DACH1: variants seen among roughly 807,000 people sequenced by gnomAD.
The protein encoded by DACH1 is dachshund homolog 1.
A neutral mutation model predicts 54.2 loss-of-function variants in DACH1; 12 were observed. The ratio of observed to expected loss-of-function variants is 0.22; its 90% CI spans 0.14 to 0.36. DACH1 has a LOEUF of 0.36. Ranked by LOEUF, DACH1 falls within the 10% of genes least tolerant of loss-of-function variation. The probability of loss-of-function intolerance (pLI) is 1.00; values close to 1 mark genes in which losing one functional copy is unlikely to be tolerated. For synonymous variants in DACH1, 386 were observed against 366.2 expected, an observed-to-expected ratio of 1.05 and a Z score of -0.62; for missense variants, 805 against 929.8, an observed-to-expected ratio of 0.87 and a Z score of 1.75.
chr13:71,823,145 T>C (rs1183065472), intron 1 of DACH1, among the ~76,000 whole-genome samples: 2 of 152,124 alleles, frequency 1.3e-5, no homozygotes, highest in African/African-American at 4.8e-5. Flanking sequence ...TCCTATTCCA[T>C]AGTTATTCAT....
Position 71,499,009 on chromosome 13 carries a change from G to A in DACH1, c.1571-9861C>T, listed in dbSNP as rs563470397. ...CTGAGGAGACAAAACTTGAGAACTC[G>A]GGTATCTGTGTACAGAGGTTTTTGT... On this transcript the variant is annotated intron_variant, in intron 6 of 10. Coordinates refer to ENST00000613252, the MANE Select transcript of DACH1 (RefSeq NM_080759.6). Among the ~76,000 whole-genome samples the A allele has an allele frequency of 1.4e-4, 21 of 151,974 alleles. No individual in the cohort carries two copies. The South Asian group carries it at 1.9e-3, about 14-fold the overall frequency.
At chr13:71,748,410 A>G (rs1884703448) in intron 1 of DACH1, among the ~76,000 whole-genome samples, 1 of 152,246 alleles carries the variant, frequency 6.6e-6, no homozygotes, top group Non-Finnish European at 1.5e-5. Flanking sequence ...ATCATTTTAC[A>G]GATGGAATAA....
At chr13:71,480,853 A>T (rs1877967521) in intron 7 of DACH1, among the ~76,000 whole-genome samples, 1 of 152,228 alleles carries the variant, frequency 6.6e-6, no homozygotes, top group Non-Finnish European at 1.5e-5. Flanking sequence ...CATACAAATT[A>T]TTCCATATTT....
intron 1 of DACH1, among the ~76,000 whole-genome samples, chr13:71,694,988 T>G (rs1881746120): frequency 6.6e-6 from 1 of 152,168 alleles, no homozygotes; most frequent in African/African-American, 2.4e-5. Context: ...CATAGAATTA[T>G]GGAGAATAAA....
chr13:71,658,576 A>G (rs1056704133), intron 2 of DACH1, among the ~76,000 whole-genome samples: 2 of 152,124 alleles, frequency 1.3e-5, no homozygotes, highest in Non-Finnish European at 2.9e-5. Context: ...AAAAAGCACT[A>G]TATCCATGTA....
chr13:71,839,941 T>A (rs1325930391), intron 1 of DACH1, among the ~76,000 whole-genome samples: 1 of 152,072 alleles, frequency 6.6e-6, no homozygotes, highest in East Asian at 1.9e-4. Context: ...AAAGCCGTAT[T>A]TATTTATTTA....
At chr13:71,739,477 T>C (rs1012880204) in intron 1 of DACH1, among the ~76,000 whole-genome samples, 5 of 152,236 alleles carry the variant, frequency 3.3e-5, no homozygotes, top group Non-Finnish European at 5.9e-5. Context: ...ATTCAAGTTA[T>C]TATGTTTCAA....
chr13:71,866,063 A>C lies in DACH1; in HGVS notation c.707T>G (p.Leu236Arg). 6.2e-7 allele frequency: 1 copy of C among 1,613,770 alleles called. No individual in the cohort carries two copies. Among genetic ancestry groups the C allele is most frequent in the Non-Finnish European group, 8.5e-7 (1 of 1,179,952 alleles). ...ATTGCACACCACCGGCGTGATCTCCAGCCGCTTCAGCTTGGTGTAGACCGT... is the reference window on the plus strand; with the variant it reads ...ATTGCACACCACCGGCGTGATCTCCCGCCGCTTCAGCTTGGTGTAGACCGT... ...LHTVYTKLKR[L>R]EITPVVCNVE... Residue 236 changes from leucine (L) to arginine (R), a missense_variant, in exon 1 of 11, where the codon CTG becomes CGG. Coordinates refer to ENST00000613252, the MANE Select transcript of DACH1 (RefSeq NM_080759.6).
In DACH1 at chr13:71,749,303, T is replaced by C. The variant is rs1006706161; in HGVS notation, c.849-67393A>G. On this transcript the variant is annotated intron_variant, in intron 1 of 10. Coordinates refer to ENST00000613252, the MANE Select transcript of DACH1 (RefSeq NM_080759.6). ...TGGCCCTATTTTCTATATTTTTCTG[T>C]TCACCAATCCAAAATCCAAGCACTT... Among the ~76,000 whole-genome samples the C allele has an allele frequency of 9.9e-5, 15 of 152,002 alleles. 1 individual carries two copies. The highest frequency in any genetic ancestry group is 9.8e-4 in the Admixed American group (15 of 15,246).
chr13:71,745,844 T>G (rs1884580592), intron 1 of DACH1, among the ~76,000 whole-genome samples: 2 of 152,338 alleles, frequency 1.3e-5, no homozygotes, highest in African/African-American at 4.8e-5. Context: ...GTTCCACCAC[T>G]ACACCTCAAA....
intron 1 of DACH1, among the ~76,000 whole-genome samples, chr13:71,711,376 AAGAC>A (rs1028754503): frequency 5.9e-5 from 9 of 152,162 alleles, no homozygotes; most frequent in Non-Finnish European, 1.3e-4. Flanking sequence ...TTTAACATCT[AAGAC>A]AGCCATTTAT....
At chr13:71,854,741 G>C (rs531088467) in intron 1 of DACH1, among the ~76,000 whole-genome samples, 1 of 151,996 alleles carries the variant, frequency 6.6e-6, no homozygotes, top group East Asian at 1.9e-4. Flanking sequence ...AGAGAGAGTG[G>C]AGTGCAATAG....
At chr13:71,606,881 G>A (rs1460147052) in intron 3 of DACH1, among the ~76,000 whole-genome samples, 1 of 152,002 alleles carries the variant, frequency 6.6e-6, no homozygotes, top group Non-Finnish European at 1.5e-5. Context: ...TGATGAGAAT[G>A]ATCTAGTCAT....
intron 3 of DACH1, among the ~76,000 whole-genome samples, chr13:71,610,677 A>T (rs1239448427): frequency 6.6e-6 from 1 of 152,174 alleles, no homozygotes; most frequent in East Asian, 1.9e-4. Flanking sequence ...TTGATTAGAA[A>T]TATTCTGAAG....
Position 71,440,566 on chromosome 13 carries a change from A to G in DACH1, c.*89T>C. 1 of 1,021,690 alleles carries G rather than the reference A, an allele frequency of 9.8e-7. No homozygotes were observed. Among genetic ancestry groups the G allele is most frequent in the Non-Finnish European group, 1.5e-6 (1 of 678,292 alleles). 63.3% of individuals were successfully genotyped at this position (1,021,690 alleles called of 1,614,324 possible). The stretch of plus-strand genomic sequence containing the variant: ...ACAAAATTCAGGAAGTTCCCTTAAA[A>G]GGACTTTATTTTTTTCTGAACTTTC... On this transcript the variant is annotated 3_prime_UTR_variant, in exon 11 of 11. Transcript: ENST00000613252.
chr13:71,482,176 A>G (rs1196803794), intron 7 of DACH1, among the ~76,000 whole-genome samples: 2 of 152,058 alleles, frequency 1.3e-5, no homozygotes, highest in Non-Finnish European at 1.5e-5. Context: ...CATAAATGTC[A>G]TTGTTTTCTA....
chr13:71,605,625 T>G (rs1874821758), intron 3 of DACH1, among the ~76,000 whole-genome samples: 1 of 151,984 alleles, frequency 6.6e-6, no homozygotes, highest in Non-Finnish European at 1.5e-5. Context: ...AAGAATGTTT[T>G]CAACAAAAAC....
At chr13:71,751,858 A>G (rs946730630) in intron 1 of DACH1, among the ~76,000 whole-genome samples, 2 of 151,960 alleles carry the variant, frequency 1.3e-5, no homozygotes, top group Non-Finnish European at 2.9e-5. Flanking sequence ...AAACTTATAC[A>G]CTCCTTGTGA....
intron 7 of DACH1, among the ~76,000 whole-genome samples, chr13:71,486,816 C>T (rs61957806): frequency 0.074 from 318 of 4,312 alleles, 1 homozygote; most frequent in African/African-American, 0.085. Flanking sequence ...ATTTATTTAT[C>T]TATCTATCTA....
Sources: allele counts gnomAD v4.1 joint callset (sites outside exome capture counted in the v4.1 genomes callset), GRCh38; gene constraint gnomAD v4.1.1; transcripts MANE v1.5; gene names NCBI Gene and HGNC (gene_info 2026-07-23, HGNC 2026-07-21).